VOPP1: variants seen among roughly 807,000 people sequenced by gnomAD.
VOPP1 encodes WW domain binding protein VOPP1.
In VOPP1, 8 loss-of-function variants were observed where a neutral mutation model predicts 23.5. That is an observed-to-expected ratio of 0.34 (90% CI 0.20 to 0.61). The LOEUF (loss-of-function observed/expected upper bound fraction) is 0.61, where lower values mean the gene tolerates loss of function less well. Among genes scored for constraint, VOPP1 ranks in the 20% least tolerant of loss-of-function variants. The probability of loss-of-function intolerance (pLI) is 0.78; values close to 1 mark genes in which losing one functional copy is unlikely to be tolerated. For missense variants in VOPP1, 174 were observed against 238.1 expected (o/e 0.73, Z 1.77); for synonymous variants, 83 against 97.3 (o/e 0.85, Z 0.86).
intron 1 of VOPP1, among the ~76,000 whole-genome samples, chr7:55,564,271 C>CTCTCTCACTT (rs531015582): frequency 6.6e-6 from 1 of 150,738 alleles, no homozygotes; most frequent in African/African-American, 2.5e-5. Flanking sequence ...CTCTCTCGCT[C>CTCTCTCACTT]GCTTGCTCTC....
chr7:55,505,470 C>T (rs948768393), intron 2 of VOPP1, among the ~76,000 whole-genome samples: 1 of 151,938 alleles, frequency 6.6e-6, no homozygotes, highest in South Asian at 2.1e-4. Context: ...CGTGGTAAGA[C>T]GGAAAGGTGA....
rs910605957 is a variant in VOPP1, at chr7:55,470,748, G to A, written c.*2107C>T. 2 of 152,264 alleles carry A rather than the reference G, an allele frequency of 1.3e-5. No homozygotes were observed. The highest frequency in any genetic ancestry group is 2.1e-4 in the South Asian group (1 of 4,826). 9.4% of individuals were successfully genotyped at this position (152,264 alleles called of 1,614,324 possible). ...TTCAAGTTTACTCTGAACCACGGAC[G>A]CTCCGGGAATTCTACACACCAGGAG... On this transcript the variant is annotated 3_prime_UTR_variant, in exon 5 of 5. Transcript: ENST00000285279.
chr7:55,481,160 T>C (rs1792678453), intron 4 of VOPP1, among the ~76,000 whole-genome samples: 1 of 152,156 alleles, frequency 6.6e-6, no homozygotes, highest in African/African-American at 2.4e-5. Flanking sequence ...AAGAGACTTT[T>C]AGGCAGAGGA....
chr7:55,554,486 G>C (rs538561044), intron 1 of VOPP1, among the ~76,000 whole-genome samples: 73 of 152,348 alleles, frequency 4.8e-4, no homozygotes, highest in African/African-American at 1.7e-3. Context: ...GACTGTACAC[G>C]AGGAAAATGG....
intron 1 of VOPP1, among the ~76,000 whole-genome samples, chr7:55,549,558 C>T (rs568123601): frequency 1.3e-5 from 2 of 152,344 alleles, no homozygotes; most frequent in South Asian, 4.1e-4. Context: ...CTCTGCTCCA[C>T]ATTCAGCCAT....
intron 1 of VOPP1, among the ~76,000 whole-genome samples, chr7:55,563,763 G>A (rs916453694): frequency 6.6e-6 from 1 of 152,116 alleles, no homozygotes; most frequent in African/African-American, 2.4e-5. Flanking sequence ...CATCACACTG[G>A]CACTCAAAAA....
At chr7:55,512,090 T>C (rs1397178705) in intron 2 of VOPP1, among the ~76,000 whole-genome samples, 1 of 152,194 alleles carries the variant, frequency 6.6e-6, no homozygotes, top group Non-Finnish European at 1.5e-5. Flanking sequence ...ATGAGGGGCT[T>C]TGTATACTGA....
chr7:55,560,721 G>A (rs1296278498), intron 1 of VOPP1, among the ~76,000 whole-genome samples: 1 of 152,106 alleles, frequency 6.6e-6, no homozygotes, highest in African/African-American at 2.4e-5. Context: ...TGAACACAGA[G>A]GTCACAGCAA....
intron 4 of VOPP1, among the ~76,000 whole-genome samples, chr7:55,477,401 A>C (rs1184030105): frequency 6.6e-6 from 1 of 152,176 alleles, no homozygotes; most frequent in Non-Finnish European, 1.5e-5. Flanking sequence ...GCGCTGCCAG[A>C]TTGTGCTGGG....
rs1290661367 is a variant in VOPP1, at chr7:55,572,450, C to G, written c.-126G>C. 25 of 604,844 alleles carry G rather than the reference C, an allele frequency of 4.1e-5. No individual in the cohort carries two copies. The highest frequency in any genetic ancestry group is 4.8e-5 in the Non-Finnish European group (23 of 478,988). 37.5% of individuals were successfully genotyped at this position (604,844 alleles called of 1,614,324 possible). A position where few individuals can be genotyped will look rare whatever the true frequency, so the allele number is the denominator to read the frequency against. ...CCGTCCCGCCGACCGCTGGGGGGCC[C>G]GGCTGGGAGCGGGCGGGAGCCGGGG... On this transcript the variant is annotated 5_prime_UTR_variant, in exon 1 of 5. Transcript: ENST00000285279.
chr7:55,452,736 G>A (rs1213897377), intron 4 of VOPP1, among the ~76,000 whole-genome samples: 7 of 152,180 alleles, frequency 4.6e-5, no homozygotes, highest in Non-Finnish European at 7.3e-5. Context: ...AAAAGGAATC[G>A]TTTTTGCTGA....
intron 4 of VOPP1, among the ~76,000 whole-genome samples, chr7:55,482,497 T>G (rs1305894777): frequency 5.1e-5 from 6 of 117,036 alleles, no homozygotes; most frequent in Admixed American, 8.0e-5. Flanking sequence ...TTTTTTTTTT[T>G]TTTTTTTGTA....
chr7:55,512,770 G>A (rs982533137), intron 2 of VOPP1, among the ~76,000 whole-genome samples: 4 of 152,318 alleles, frequency 2.6e-5, no homozygotes, highest in Non-Finnish European at 5.9e-5. Context: ...AGAGCTCAGC[G>A]AAGGAGTCCA....
chr7:55,549,879 T>C (rs1423163065), intron 1 of VOPP1, among the ~76,000 whole-genome samples: 2 of 152,230 alleles, frequency 1.3e-5, no homozygotes, highest in Non-Finnish European at 2.9e-5. Context: ...CCATGAGCGG[T>C]GCTCTCAAAT....
At chr7:55,505,652 AGGGAGGGAGGGAGGGAGGG>A (rs1794667108) in intron 2 of VOPP1, among the ~76,000 whole-genome samples, 1 of 500 alleles carries the variant, frequency 2.0e-3, no homozygotes, top group Non-Finnish European at 8.8e-3. Context: ...GAAGGAAGGA[AGGGAGGGAGGGAGGGAGGG>A]AGGGAGGGAG....
chr7:55,540,743 T>C (rs572527405), intron 1 of VOPP1, among the ~76,000 whole-genome samples: 1 of 152,216 alleles, frequency 6.6e-6, no homozygotes, highest in Admixed American at 6.5e-5. Context: ...TCACCTCCGC[T>C]GCGGCCTCAA....
At chr7:55,485,539 C>G (rs1793069506) in intron 4 of VOPP1, among the ~76,000 whole-genome samples, 1 of 152,226 alleles carries the variant, frequency 6.6e-6, no homozygotes, top group Non-Finnish European at 1.5e-5. Context: ...TTGGGTGGTG[C>G]AGCACCCACG....
At position 55,497,793 on chromosome 7, in the gene VOPP1, A is replaced by G. The variant is rs547189739; in HGVS notation, c.114-103T>C. On this transcript the variant is annotated intron_variant, in intron 2 of 4. Coordinates refer to ENST00000285279, the MANE Select transcript of VOPP1 (RefSeq NM_030796.5). ...TCAATGTAATCATTCTTGAAGGAAG[A>G]AATCAGTAAGAGCAAAAAGGACAGA... The G allele has an allele frequency of 1.6e-3, 1,552 of 994,018 alleles. 3 individuals are homozygous for G. The highest frequency in any genetic ancestry group is 2.3e-3 in the Non-Finnish European group (1,438 of 630,352). 61.6% of individuals were successfully genotyped at this position (994,018 alleles called of 1,614,324 possible).
In VOPP1 at chr7:55,492,247, T is replaced by C. The variant is rs377540179; in HGVS notation, c.328+35A>G. 19 of 1,586,478 alleles carry C rather than the reference T, an allele frequency of 1.2e-5. No individual in the cohort carries two copies. The Middle Eastern group carries it at 6.0e-4, about 50-fold the overall frequency. ...ATAAATGTTGGCAGACGACACACAC[T>C]GTGGGGAGGAGAGACAAGGACAGGG... On this transcript the variant is annotated intron_variant, in intron 4 of 4. Transcript: ENST00000285279.
Sources: allele counts gnomAD v4.1 joint callset (sites outside exome capture counted in the v4.1 genomes callset), GRCh38; gene constraint gnomAD v4.1.1; transcripts MANE v1.5; gene names NCBI Gene and HGNC (gene_info 2026-07-23, HGNC 2026-07-21).